Variants in C10orf67 observed in about 807,000 individuals in gnomAD.
C10orf67 encodes the protein uncharacterized protein C10orf67, mitochondrial.
A neutral mutation model predicts 35.6 loss-of-function variants in C10orf67; 60 were observed. The ratio of observed to expected loss-of-function variants is 1.68; its 90% CI spans 1.37 to 2.09. The LOEUF (loss-of-function observed/expected upper bound fraction) is 2.09, where lower values mean the gene tolerates loss of function less well. Ranked by LOEUF, C10orf67 falls within the 30% of genes most tolerant of loss-of-function variation. The probability of loss-of-function intolerance (pLI) is 0.00; values close to 1 mark genes in which losing one functional copy is unlikely to be tolerated. For missense variants in C10orf67, 474 were observed against 330.2 expected (o/e 1.44, Z -3.38); for synonymous variants, 167 against 115.8 (o/e 1.44, Z -2.84).
intron 8 of C10orf67, among the ~76,000 whole-genome samples, chr10:23,273,751 A>G (rs1366263983): frequency 1.3e-5 from 2 of 152,214 alleles, no homozygotes; most frequent in Non-Finnish European, 1.5e-5. Flanking sequence ...TTGAAATCCA[A>G]CTAGGCATAT....
intron 8 of C10orf67, among the ~76,000 whole-genome samples, chr10:23,276,713 C>A (rs908053037): frequency 6.6e-6 from 1 of 152,110 alleles, no homozygotes; most frequent in African/African-American, 2.4e-5. Flanking sequence ...AACAGCACAA[C>A]ACTAGATATT....
chr10:23,213,428 T>C (rs1841361195), intron 15 of C10orf67, among the ~76,000 whole-genome samples: 1 of 152,136 alleles, frequency 6.6e-6, no homozygotes. Flanking sequence ...AAACACTAAA[T>C]AACTACAAAT....
At chr10:23,303,064 T>C (rs561088601) in intron 5 of C10orf67, among the ~76,000 whole-genome samples, 31 of 152,328 alleles carry the variant, frequency 2.0e-4, no homozygotes, top group Non-Finnish European at 3.8e-4. Flanking sequence ...TTTATTTCCA[T>C]TTAAACAAAA....
At chr10:23,223,555 C>A (rs955877397) in intron 15 of C10orf67, 43 bp downstream of exon 15, 1 of 716,312 alleles carries the variant, frequency 1.4e-6, no homozygotes, top group Non-Finnish European at 2.6e-6. Flanking sequence ...GACTAAGTAG[C>A]CATTCTGGTG....
intron 1 of C10orf67, among the ~76,000 whole-genome samples, chr10:23,338,069 G>A (rs139092752): frequency 3.3e-5 from 5 of 152,348 alleles, no homozygotes; most frequent in South Asian, 4.1e-4. Context: ...TGTCAAGAAT[G>A]TCTGGGAAGA....
chr10:23,324,618 T>C (rs1588696662), intron 2 of C10orf67, among the ~76,000 whole-genome samples: 2 of 152,166 alleles, frequency 1.3e-5, no homozygotes, highest in African/African-American at 4.8e-5. Context: ...TAGCAGCAAA[T>C]GCATTCAAGC....
chr10:23,276,378 G>A (rs1843188133), intron 8 of C10orf67, among the ~76,000 whole-genome samples: 1 of 152,122 alleles, frequency 6.6e-6, no homozygotes, highest in Admixed American at 6.6e-5. Flanking sequence ...AGTCATTGAT[G>A]CCACCTCCTC....
At chr10:23,304,524 A>T (rs12569400) in intron 4 of C10orf67, among the ~76,000 whole-genome samples, 12,228 of 151,812 alleles carry the variant, frequency 0.081, 1,411 homozygotes, top group East Asian at 0.62. Context: ...TAGCCCCGTG[A>T]CCCAGCTCGA....
chr10:23,269,099 T>C (rs879662347), intron 8 of C10orf67, among the ~76,000 whole-genome samples: 2 of 152,196 alleles, frequency 1.3e-5, no homozygotes, highest in Non-Finnish European at 2.9e-5. Context: ...AAATCATCCC[T>C]CAGATAGAAC....
chr10:23,219,935 T>C (rs1841533336), intron 15 of C10orf67, among the ~76,000 whole-genome samples: 1 of 152,102 alleles, frequency 6.6e-6, no homozygotes, highest in South Asian at 2.1e-4. Context: ...TGAAAGAGTA[T>C]GTATGACAGC....
At chr10:23,310,431 G>A (rs1844455518) in intron 4 of C10orf67, among the ~76,000 whole-genome samples, 1 of 152,174 alleles carries the variant, frequency 6.6e-6, no homozygotes, top group South Asian at 2.1e-4. Context: ...CAGAGGAGAG[G>A]GAGAAACGTT....
intron 15 of C10orf67, among the ~76,000 whole-genome samples, chr10:23,212,806 A>AGAGG (rs1823290370): frequency 6.6e-6 from 1 of 151,770 alleles, no homozygotes; most frequent in Non-Finnish European, 1.5e-5. Flanking sequence ...AGAGAGAGAG[A>AGAGG]GAGAGAGAGA....
At chr10:23,290,407 A>T (rs941180209) in intron 6 of C10orf67, among the ~76,000 whole-genome samples, 1 of 152,190 alleles carries the variant, frequency 6.6e-6, no homozygotes, top group Non-Finnish European at 1.5e-5. Flanking sequence ...CATTTTACTG[A>T]TATTTTGCTA....
chr10:23,287,434 T>C (rs1843578818), intron 7 of C10orf67, among the ~76,000 whole-genome samples: 1 of 152,166 alleles, frequency 6.6e-6, no homozygotes, highest in Non-Finnish European at 1.5e-5. Context: ...TGCAGAAAAC[T>C]GAAACTGGAC....
intron 13 of C10orf67, among the ~76,000 whole-genome samples, chr10:23,236,364 G>T (rs745407265): frequency 2.0e-5 from 3 of 151,444 alleles, no homozygotes; most frequent in Non-Finnish European, 2.9e-5. Context: ...CCTGGGAGGC[G>T]GAAGTTGCAG....
chr10:23,232,158 T>G (rs903938367), intron 13 of C10orf67, among the ~76,000 whole-genome samples: 1 of 152,180 alleles, frequency 6.6e-6, no homozygotes, highest in Non-Finnish European at 1.5e-5. Flanking sequence ...CTTTAAATTG[T>G]GTGTATGTGT....
chr10:23,279,536 G>A (rs1249378787), intron 8 of C10orf67, among the ~76,000 whole-genome samples: 1 of 152,228 alleles, frequency 6.6e-6, no homozygotes, highest in Non-Finnish European at 1.5e-5. Flanking sequence ...GGCAACCTAT[G>A]TACTTCCTTC....
intron 3 of C10orf67, among the ~76,000 whole-genome samples, chr10:23,322,075 C>G (rs1844977384): frequency 6.6e-6 from 1 of 152,204 alleles, no homozygotes. Context: ...GGCATGTGTG[C>G]TTGGCCTCTC....
At chr10:23,228,462 G>A (rs1459357976) in intron 13 of C10orf67, among the ~76,000 whole-genome samples, 1 of 152,078 alleles carries the variant, frequency 6.6e-6, no homozygotes, top group Non-Finnish European at 1.5e-5. Context: ...AGATTTAAAC[G>A]TTAGACCTAA....
Sources: allele counts gnomAD v4.1 joint callset (sites outside exome capture counted in the v4.1 genomes callset), GRCh38; gene constraint gnomAD v4.1.1; transcripts MANE v1.5; gene names NCBI Gene and HGNC (gene_info 2026-07-23, HGNC 2026-07-21).